Variants in TAF8 observed in about 807,000 individuals in gnomAD.
TAF8 encodes TATA-box binding protein associated factor 8, also known as transcription initiation factor TFIID subunit 8.
In TAF8, 47 loss-of-function variants were observed where a neutral mutation model predicts 36.5. That is an observed-to-expected ratio of 1.29 (90% CI 1.02 to 1.64). TAF8 has a LOEUF of 1.64. TAF8 is among the 40% of genes most tolerant of loss of function. The pLI, the probability that TAF8 is intolerant of heterozygous loss-of-function variation, is 0.00. For missense variants in TAF8, 420 were observed against 407.6 expected (o/e 1.03, Z -0.26); for synonymous variants, 175 against 159.5 (o/e 1.10, Z -0.73).
rs1046904560 is a variant in TAF8, at chr6:42,081,544, A to G, written c.*3999A>G. The G allele has an allele frequency of 6.6e-6, 1 of 151,712 alleles. No homozygotes were observed. 9.4% of individuals were successfully genotyped at this position (151,712 alleles called of 1,614,324 possible). A position where few individuals can be genotyped will look rare whatever the true frequency, so the allele number is the denominator to read the frequency against. On this transcript the variant is annotated 3_prime_UTR_variant, in exon 9 of 9. Transcript: ENST00000372977. ...CTACCACGCCCAGCTAATTTTTTGT[A>G]TTTTTCAGTAGAGATGGAGTTTCAC... is the stretch of plus-strand genomic sequence containing the variant.
chr6:42,065,647 C>A (rs753829129), intron 5 of TAF8, among the ~76,000 whole-genome samples: 1 of 152,188 alleles, frequency 6.6e-6, no homozygotes, highest in Non-Finnish European at 1.5e-5. Flanking sequence ...GCTGATGGAA[C>A]CTGTGGTCCC....
chr6:42,084,954 G>A (rs566840229), downstream of TAF8, among the ~76,000 whole-genome samples: 110 of 152,266 alleles, frequency 7.2e-4, 1 homozygote, highest in African/African-American at 2.5e-3. Flanking sequence ...GAGTTGGGGC[G>A]TATTGCCTCT....
At chr6:42,051,291 G>T in intron 1 of TAF8, 66 bp from the exon 2 acceptor site, 2 of 1,425,714 alleles carry the variant, frequency 1.4e-6, no homozygotes, top group South Asian at 2.9e-5. Flanking sequence ...GCTTGCCGTT[G>T]ACCACGTATG....
chr6:42,071,865 C>A (rs1765591860), intron 7 of TAF8, among the ~76,000 whole-genome samples: 1 of 152,168 alleles, frequency 6.6e-6, no homozygotes. Flanking sequence ...GACATGCATT[C>A]ACTGACGGTC....
intron 4 of TAF8, chr6:42,056,381 T>A: frequency 4.1e-6 from 1 of 242,594 alleles, no homozygotes; most frequent in Non-Finnish European, 8.2e-6. Flanking sequence ...CTTATCGGAA[T>A]GCAGCCATAT....
In TAF8 at chr6:42,080,627, C is replaced by T. The variant is rs571735090; in HGVS notation, c.*3082C>T. On this transcript the variant is annotated 3_prime_UTR_variant, in exon 9 of 9. Transcript: ENST00000372977. ...CTGACCTCAGATGATCCACCCACCT[C>T]GGCCTCCCAGTGTGGGTGGGATTAC... The T allele has an allele frequency of 2.3e-3, 2,020 of 889,512 alleles. 3 individuals carry two copies. The highest frequency in any genetic ancestry group is 2.6e-3 in the Non-Finnish European group (1,896 of 742,778). The allele number at this position is 889,512 out of a possible 1,614,324, so 55.1% of individuals were successfully genotyped here.
At chr6:42,067,486 A>T (rs926204823) in intron 6 of TAF8, among the ~76,000 whole-genome samples, 1 of 152,208 alleles carries the variant, frequency 6.6e-6, no homozygotes, top group Non-Finnish European at 1.5e-5. Context: ...AAGTGCTGGG[A>T]TTATAGGCAT....
chr6:42,064,321 C>T (rs887782165), intron 5 of TAF8, among the ~76,000 whole-genome samples: 8 of 151,672 alleles, frequency 5.3e-5, no homozygotes, highest in African/African-American at 1.7e-4. Flanking sequence ...GGTGTGATCT[C>T]GGCTCACTTC....
intron 5 of TAF8, among the ~76,000 whole-genome samples, chr6:42,065,745 G>A (rs896211400): frequency 4.6e-5 from 7 of 152,128 alleles, no homozygotes; most frequent in Admixed American, 2.6e-4. Context: ...GCTGAATGAA[G>A]GCTCCAAGAC....
chr6:42,077,845 AC>A lies in TAF8; in HGVS notation c.*303del. The A allele has an allele frequency of 1.1e-6, 1 of 911,322 alleles. No homozygotes were observed. Among genetic ancestry groups the A allele is most frequent in the Non-Finnish European group, 1.4e-6 (1 of 695,906 alleles). The allele number at this position is 911,322 out of a possible 1,614,324, so 56.5% of individuals were successfully genotyped here. On this transcript the variant is annotated 3_prime_UTR_variant, in exon 9 of 9. Coordinates refer to ENST00000372977, the MANE Select transcript of TAF8 (RefSeq NM_138572.3). ...ATCTCAGCTCACTGCAGTCTCAGCAACCCTGGGTCCAAGTGATTCTCCTGCC... is the reference window on the plus strand; with the variant it reads ...ATCTCAGCTCACTGCAGTCTCAGCAACCTGGGTCCAAGTGATTCTCCTGCC...
rs1191158862 is a variant in TAF8 at position 42,080,593 on chromosome 6, C to T, written c.*3048C>T. On this transcript the variant is annotated 3_prime_UTR_variant, in exon 9 of 9. Coordinates refer to ENST00000372977, the MANE Select transcript of TAF8 (RefSeq NM_138572.3). ...GTTTCACCAGGTTGGCCAGGGTGGT[C>T]TCGAACACCTGACCTCAGATGATCC... 8 of 705,992 alleles carry T rather than the reference C, an allele frequency of 1.1e-5. No homozygotes were observed. Among genetic ancestry groups the T allele is most frequent in the Non-Finnish European group, 1.4e-5 (8 of 575,338 alleles). 43.7% of individuals were successfully genotyped at this position (705,992 alleles called of 1,614,324 possible).
At chr6:42,073,572 G>C (rs372018052) in intron 7 of TAF8, among the ~76,000 whole-genome samples, 1 of 152,308 alleles carries the variant, frequency 6.6e-6, no homozygotes, top group East Asian at 1.9e-4. Flanking sequence ...ATCTGAGCAG[G>C]AGCTTGAAAT....
intron 5 of TAF8, among the ~76,000 whole-genome samples, chr6:42,062,704 A>ATT (rs1026637690): frequency 6.9e-6 from 1 of 144,658 alleles, no homozygotes; most frequent in Non-Finnish European, 1.5e-5. Context: ...AGCCTGGCTA[A>ATT]TTTTTTTTTT....
At chr6:42,054,641 C>A (rs1458162579) in intron 2 of TAF8, among the ~76,000 whole-genome samples, 1 of 152,064 alleles carries the variant, frequency 6.6e-6, no homozygotes, top group East Asian at 1.9e-4. Context: ...TGGAGTCTCG[C>A]TGTGTCTCCC....
Position 42,077,834 on chromosome 6 carries a change from C to A in TAF8, c.*289C>A. The A allele has an allele frequency of 9.9e-7, 1 of 1,007,074 alleles. No individual in the cohort carries two copies. Among genetic ancestry groups the A allele is most frequent in the Non-Finnish European group, 1.3e-6 (1 of 773,216 alleles). 62.4% of individuals were successfully genotyped at this position (1,007,074 alleles called of 1,614,324 possible). ...GCAGTGGTGTGATCTCAGCTCACTGCAGTCTCAGCAACCCTGGGTCCAAGT... is the reference window on the plus strand; with the variant it reads ...GCAGTGGTGTGATCTCAGCTCACTGAAGTCTCAGCAACCCTGGGTCCAAGT... On this transcript the variant is annotated 3_prime_UTR_variant, in exon 9 of 9. Coordinates refer to ENST00000372977, the MANE Select transcript of TAF8 (RefSeq NM_138572.3).
At chr6:42,056,543 C>T (rs1190775462) in intron 4 of TAF8, among the ~76,000 whole-genome samples, 1 of 151,686 alleles carries the variant, frequency 6.6e-6, no homozygotes, top group African/African-American at 2.4e-5. Flanking sequence ...GTGCCATAAG[C>T]TGAGTAGAGA....
chr6:42,082,133 T>C lies in TAF8; in HGVS notation c.*4588T>C, dbSNP rs1765944392. The C allele has an allele frequency of 6.6e-6, 1 of 152,232 alleles. No homozygotes were observed. 9.4% of individuals were successfully genotyped at this position (152,232 alleles called of 1,614,324 possible). A position where few individuals can be genotyped will look rare whatever the true frequency, so the allele number is the denominator to read the frequency against. ...GTTATGTGTGTGTTGTTCCGTGCAGTTTCATCGTGTAGATTTGTGTAACCA... is the reference window on the plus strand; with the variant it reads ...GTTATGTGTGTGTTGTTCCGTGCAGCTTCATCGTGTAGATTTGTGTAACCA... On this transcript the variant is annotated 3_prime_UTR_variant, in exon 9 of 9. Coordinates refer to ENST00000372977, the MANE Select transcript of TAF8 (RefSeq NM_138572.3).
chr6:42,054,506 G>A (rs1302642981), intron 2 of TAF8, among the ~76,000 whole-genome samples: 1 of 151,886 alleles, frequency 6.6e-6, no homozygotes, highest in Non-Finnish European at 1.5e-5. Flanking sequence ...TCCATCCCCT[G>A]GTAACTTCTA....
chr6:42,061,987 C>T (rs1765205317), intron 5 of TAF8, among the ~76,000 whole-genome samples: 1 of 152,118 alleles, frequency 6.6e-6, no homozygotes, highest in South Asian at 2.1e-4. Flanking sequence ...GGAGACTTAG[C>T]TTTCCAAACA....
Sources: allele counts gnomAD v4.1 joint callset (sites outside exome capture counted in the v4.1 genomes callset), GRCh38; gene constraint gnomAD v4.1.1; transcripts MANE v1.5; gene names NCBI Gene and HGNC (gene_info 2026-07-23, HGNC 2026-07-21).